Variants in FBXL20 observed in about 807,000 individuals in gnomAD.
FBXL20 encodes the protein F-box and leucine rich repeat protein 20.
A neutral mutation model predicts 64.0 loss-of-function variants in FBXL20; 11 were observed. That is an observed-to-expected ratio of 0.17 (90% CI 0.11 to 0.28). FBXL20 has a LOEUF of 0.28. FBXL20 is among the 10% of genes least tolerant of loss of function. The pLI is 1.00. For missense variants in FBXL20, 303 were observed against 526.2 expected (o/e 0.58, Z 4.15); for synonymous variants, 184 against 189.0 (o/e 0.97, Z 0.22).
chr17:39,342,177 C>T (rs1044613152), intron 2 of FBXL20, among the ~76,000 whole-genome samples: 5 of 152,046 alleles, frequency 3.3e-5, no homozygotes, highest in African/African-American at 7.2e-5. Flanking sequence ...AAACAAAGAA[C>T]TCTAGAAGTA....
chr17:39,272,371 C>T (rs1041938911), intron 10 of FBXL20, among the ~76,000 whole-genome samples: 3 of 140,738 alleles, frequency 2.1e-5, no homozygotes, highest in East Asian at 2.1e-4. Context: ...GGCAACAGAG[C>T]GAGACTTTGT....
intron 14 of FBXL20, among the ~76,000 whole-genome samples, chr17:39,263,713 TAA>T (rs2046767679): frequency 6.6e-6 from 1 of 152,170 alleles, no homozygotes; most frequent in Admixed American, 6.5e-5. Flanking sequence ...ACAGAAAAGG[TAA>T]AAGTCTATGT....
intron 1 of FBXL20, among the ~76,000 whole-genome samples, chr17:39,388,876 T>C (rs1361797309): frequency 6.7e-6 from 1 of 148,910 alleles, no homozygotes; most frequent in Non-Finnish European, 1.5e-5. Flanking sequence ...CTGAGGTGGG[T>C]GGAGTACCTG....
intron 2 of FBXL20, among the ~76,000 whole-genome samples, chr17:39,319,859 A>C (rs1189936121): frequency 6.6e-6 from 1 of 151,894 alleles, no homozygotes; most frequent in African/African-American, 2.4e-5. Context: ...CAATCCTCCC[A>C]CGCCAACTTC....
chr17:39,333,463 C>T (rs974196338), intron 2 of FBXL20, among the ~76,000 whole-genome samples: 2 of 152,226 alleles, frequency 1.3e-5, no homozygotes, highest in African/African-American at 4.8e-5. Context: ...GTTGCCCAGG[C>T]TGGAGCGCAG....
At chr17:39,382,674 T>C (rs1013208324) in intron 1 of FBXL20, among the ~76,000 whole-genome samples, 1 of 151,786 alleles carries the variant, frequency 6.6e-6, no homozygotes, top group Admixed American at 6.6e-5. Context: ...GCTACAATTT[T>C]TTTTTTCTTT....
At chr17:39,263,393 G>A (rs746222059) in intron 14 of FBXL20, among the ~76,000 whole-genome samples, 3 of 152,112 alleles carry the variant, frequency 2.0e-5, no homozygotes, top group Non-Finnish European at 4.4e-5. Context: ...GCACACGCCT[G>A]TAGTCTCAGC....
At chr17:39,334,817 C>T (rs1418731457) in intron 2 of FBXL20, among the ~76,000 whole-genome samples, 1 of 152,206 alleles carries the variant, frequency 6.6e-6, no homozygotes, top group Non-Finnish European at 1.5e-5. Context: ...GGGCTGGGCA[C>T]AGTGGCTCAT....
In FBXL20 at chr17:39,254,094, G is replaced by A. The variant is rs1597752485; in HGVS notation, c.*7366C>T. The A allele has an allele frequency of 1.3e-5, 2 of 152,082 alleles. No individual in the cohort carries two copies. The highest frequency in any genetic ancestry group is 6.5e-5 in the Admixed American group (1 of 15,270). The allele number at this position is 152,082 out of a possible 1,614,324, so 9.4% of individuals were successfully genotyped here. A position where few individuals can be genotyped will look rare whatever the true frequency, so the allele number is the denominator to read the frequency against. ...AGTTTTCTTTTCTTTTCTCTTTTTT[G>A]TGAGATGGAGTCTCACTCCGTTGCC... On this transcript the variant is annotated 3_prime_UTR_variant, in exon 15 of 15. Transcript: ENST00000264658.
rs71974319 is a variant in FBXL20, at chr17:39,280,567, A to AAAAT, written c.696+818_696+821dup. ...GGGTGACAGAGTAAGACTTTGCCTC[A>AAAAT]AAATAAATAAATAAATAAATAAATA... On this transcript the variant is annotated intron_variant, in intron 9 of 14. Coordinates refer to ENST00000264658, the MANE Select transcript of FBXL20 (RefSeq NM_032875.3). Among the ~76,000 whole-genome samples, 428 of 148,860 alleles carry AAAAT rather than the reference A, an allele frequency of 2.9e-3. 3 individuals carry two copies. The Middle Eastern group carries it at 0.066, about 23-fold the overall frequency.
intron 2 of FBXL20, among the ~76,000 whole-genome samples, chr17:39,325,068 C>T (rs1450681052): frequency 3.9e-5 from 6 of 152,028 alleles, no homozygotes; most frequent in African/African-American, 1.4e-4. Context: ...ATTAGCCGGG[C>T]GTGGTGGCAG....
At chr17:39,317,778 T>C (rs2047311514) in intron 2 of FBXL20, among the ~76,000 whole-genome samples, 1 of 143,224 alleles carries the variant, frequency 7.0e-6, no homozygotes. Flanking sequence ...CTCGGCTCAC[T>C]GCAAGCTCCT....
chr17:39,341,377 CAAT>C (rs897499797), intron 2 of FBXL20, among the ~76,000 whole-genome samples: 6 of 152,116 alleles, frequency 3.9e-5, no homozygotes, highest in African/African-American at 1.4e-4. Flanking sequence ...ATCAAGCTCT[CAAT>C]GATAAAAATG....
chr17:39,274,932 G>C (rs1429817459), intron 10 of FBXL20, 38 bp downstream of exon 10: 1 of 1,611,222 alleles, frequency 6.2e-7, no homozygotes, highest in Non-Finnish European at 8.5e-7. Context: ...GGAAACTTTT[G>C]TTCTATGATT....
intron 1 of FBXL20, among the ~76,000 whole-genome samples, chr17:39,345,191 A>G (rs1448389267): frequency 6.6e-6 from 1 of 152,160 alleles, no homozygotes; most frequent in Non-Finnish European, 1.5e-5. Context: ...TTTCTAGACA[A>G]TGGGATAAAA....
At chr17:39,341,384 A>C (rs1484262639) in intron 2 of FBXL20, among the ~76,000 whole-genome samples, 4 of 152,216 alleles carry the variant, frequency 2.6e-5, no homozygotes, top group Non-Finnish European at 5.9e-5. Flanking sequence ...TCTCAATGAT[A>C]AAAATGTTGC....
At chr17:39,400,245 C>A (rs1459160422) in intron 1 of FBXL20, among the ~76,000 whole-genome samples, 1 of 152,130 alleles carries the variant, frequency 6.6e-6, no homozygotes, top group Non-Finnish European at 1.5e-5. Context: ...TCTTGATCTT[C>A]GTGGATCAAT....
At chr17:39,333,093 C>T (rs2047478502) in intron 2 of FBXL20, among the ~76,000 whole-genome samples, 1 of 152,034 alleles carries the variant, frequency 6.6e-6, no homozygotes, top group Non-Finnish European at 1.5e-5. Flanking sequence ...CTGAGTCACA[C>T]CTGGCTCTCT....
intron 1 of FBXL20, among the ~76,000 whole-genome samples, chr17:39,361,403 T>G (rs1045694475): frequency 2.0e-5 from 3 of 152,160 alleles, no homozygotes; most frequent in Non-Finnish European, 4.4e-5. Context: ...CTGCACAGTT[T>G]GCAAAGAACT....
Sources: gnomAD v4.1 joint callset for allele counts (sites outside exome capture counted in the v4.1 genomes callset) on GRCh38, gnomAD v4.1.1 for gene constraint, MANE v1.5 for transcripts, NCBI Gene and HGNC (gene_info 2026-07-23, HGNC 2026-07-21) for gene names.